The following SLC1A4 variants were observed in gnomAD, a reference collection of about 807,000 sequenced individuals.
SLC1A4 encodes neutral amino acid transporter A.
Under a neutral mutation model 37.7 loss-of-function variants are expected in SLC1A4, and 19 were observed. That is an observed-to-expected ratio of 0.50 (90% CI 0.35 to 0.74). The LOEUF is 0.74. SLC1A4 is among the 30% of genes least tolerant of loss of function. The pLI, the probability that SLC1A4 is intolerant of heterozygous loss-of-function variation, is 0.01. For synonymous variants in SLC1A4, 299 were observed against 309.8 expected (o/e 0.97, Z 0.37); for missense variants, 570 against 712.9 (o/e 0.80, Z 2.28).
chr2:64,992,278 G>GT (rs1341453523), intron 1 of SLC1A4, among the ~76,000 whole-genome samples: 2 of 152,168 alleles, frequency 1.3e-5, no homozygotes, highest in Non-Finnish European at 2.9e-5. Flanking sequence ...GTGGTAGGGG[G>GT]TACCTCATTA....
intron 4 of SLC1A4, chr2:65,011,466 C>A (rs1673915358): frequency 6.6e-6 from 1 of 151,156 alleles, no homozygotes; most frequent in South Asian, 2.1e-4. Context: ...CGGGGTTTCA[C>A]CATGTTGGCC....
At chr2:64,989,389 C>A (rs1171674556), upstream of SLC1A4, 1 of 356,540 alleles carries the variant, frequency 2.8e-6, no homozygotes, top group Non-Finnish European at 5.0e-6. Flanking sequence ...TCGCGGCTCC[C>A]GTTTGCATCA....
chr2:64,996,384 C>G (rs536577111), intron 1 of SLC1A4, among the ~76,000 whole-genome samples: 3 of 152,160 alleles, frequency 2.0e-5, no homozygotes, highest in African/African-American at 4.8e-5. Context: ...TCAAGTAGAT[C>G]TCTCAGGATC....
At chr2:65,001,563 G>C in intron 2 of SLC1A4, 73 bp downstream of exon 2, 1 of 1,410,970 alleles carries the variant, frequency 7.1e-7, no homozygotes, top group Non-Finnish European at 1.0e-6. Context: ...TATAGAGTTA[G>C]GTAAGGTAGA....
intron 3 of SLC1A4, among the ~76,000 whole-genome samples, chr2:65,008,179 A>G (rs866385795): frequency 6.6e-6 from 1 of 152,238 alleles, no homozygotes. Flanking sequence ...GTGAGTTGAC[A>G]GCCCCAAGGT....
chr2:64,988,876 G>A (rs1243595596), upstream of SLC1A4, among the ~76,000 whole-genome samples: 1 of 34 alleles, frequency 0.029, no homozygotes, highest in African/African-American at 0.1. Context: ...AGCGCGGGCC[G>A]CGCGGGGCGA....
chr2:64,990,129 T>C lies in SLC1A4; in HGVS notation c.486T>C (p.Pro162=). 6.2e-7 allele frequency: 1 copy of C among 1,611,254 alleles called. No individual in the cohort carries two copies. Among genetic ancestry groups the C allele is most frequent in the Non-Finnish European group, 8.5e-7 (1 of 1,178,836 alleles). ...DLGLEDSGPP[P]VPKETVDSFL... ...GGCTGGAGGACTCGGGGCCTCCTCC[T>C]GTCCCCAAAGAGACGGTGGACTCTT... Residue 162 remains proline, a synonymous_variant, in exon 1 of 8, where the codon CCT becomes CCC. Transcript: ENST00000234256.
intron 7 of SLC1A4, among the ~76,000 whole-genome samples, chr2:65,019,055 C>G (rs1674303840): frequency 6.6e-6 from 1 of 152,110 alleles, no homozygotes; most frequent in Admixed American, 6.5e-5. Context: ...TGTCCCTGGC[C>G]TGGAAGATTC....
rs1192766731 is a variant in SLC1A4, at chr2:65,021,558, T to C, written c.*412T>C. ...AGCAAACCAAGGGGGTTTATAGTCA[T>C]CTGTCGCATTGCCTCGAGTTGCAGT... On this transcript the variant is annotated 3_prime_UTR_variant, in exon 8 of 8. Transcript: ENST00000234256. 1 of 169,834 alleles carries C rather than the reference T, an allele frequency of 5.9e-6. No individual in the cohort carries two copies. Among genetic ancestry groups the C allele is most frequent in the Non-Finnish European group, 1.3e-5 (1 of 79,590 alleles). The allele number at this position is 169,834 out of a possible 1,614,324, so 10.5% of individuals were successfully genotyped here. A position where few individuals can be genotyped will look rare whatever the true frequency, so the allele number is the denominator to read the frequency against.
chr2:64,989,042 G>A (rs1370176937), upstream of SLC1A4, among the ~76,000 whole-genome samples: 1 of 152,122 alleles, frequency 6.6e-6, no homozygotes, highest in Non-Finnish European at 1.5e-5. Context: ...CCGCGGGAGA[G>A]GGCCCGGCAG....
Position 65,018,221 on chromosome 2 carries a change from A to C in SLC1A4, c.1185A>C (p.Gln395His). The change falls in exon 6 of 8, where the codon CAA becomes CAC. Residue 395 changes from glutamine (Q) to histidine (H), a missense_variant. Transcript: ENST00000234256. This position sits in a 1 kb window ranked among gnomAD's most constrained non-coding sequence, Gnocchi z 4.3. ...FQCVAAVFIAQLNNVELNAGQ... is the reference protein window; with the variant it reads ...FQCVAAVFIAHLNNVELNAGQ... ...GTGTGGCCGCGGTGTTCATTGCGCA[A>C]CTCAACAACGTAGAGCTCAACGCAG... 6.2e-7 allele frequency: 1 copy of C among 1,614,078 alleles called. No individual in the cohort carries two copies. Among genetic ancestry groups the C allele is most frequent in the Non-Finnish European group, 8.5e-7 (1 of 1,180,010 alleles).
intron 4 of SLC1A4, among the ~76,000 whole-genome samples, chr2:65,013,693 C>T (rs79266108): frequency 2.1e-3 from 320 of 152,270 alleles, no homozygotes; most frequent in African/African-American, 7.3e-3. Context: ...GTTTAAAATG[C>T]CTTAACTAGT....
chr2:65,020,864 C>T (rs371293689), intron 7 of SLC1A4, 48 bp from the exon 8 acceptor site: 75 of 1,517,234 alleles, frequency 4.9e-5, no homozygotes, highest in Middle Eastern at 3.4e-4. Context: ...TGACAGGACC[C>T]GATCGCCCAG....
chr2:65,010,494 C>T, intron 3 of SLC1A4, 103 bp from the exon 4 acceptor site: 3 of 926,158 alleles, frequency 3.2e-6, no homozygotes, highest in Admixed American at 2.9e-5. Flanking sequence ...AGCTTTTTCT[C>T]GTTCTGGGTA....
intron 3 of SLC1A4, among the ~76,000 whole-genome samples, chr2:65,006,741 C>T (rs1300066826): frequency 1.3e-5 from 2 of 152,152 alleles, no homozygotes; most frequent in Admixed American, 6.5e-5. Context: ...AAATTTGAGA[C>T]CAGCCTGGGC....
chr2:65,015,792 G>C (rs78625826), intron 4 of SLC1A4, among the ~76,000 whole-genome samples: 162 of 152,268 alleles, frequency 1.1e-3, no homozygotes, highest in Middle Eastern at 3.4e-3. Context: ...TCAGCAGTTA[G>C]AAAATTCTTC....
Position 65,013,107 on chromosome 2 carries a change from G to A in SLC1A4, c.800+2344G>A, listed in dbSNP as rs141289992. Among the ~76,000 whole-genome samples the A allele has an allele frequency of 3.3e-5, 5 of 152,304 alleles. No individual in the cohort carries two copies. The East Asian group carries it at 9.6e-4, about 29-fold the overall frequency. On this transcript the variant is annotated intron_variant, in intron 4 of 7. Transcript: ENST00000234256. ...GGCATGTCTTCACATGGCCAGAGCA[G>A]GAGGAAGAAAGACAGGGGGAAGGTG...
At position 64,990,073 on chromosome 2, in the gene SLC1A4, G is replaced by T; in HGVS notation, c.430G>T (p.Gly144Cys). The T allele has an allele frequency of 1.2e-6, 2 of 1,608,638 alleles. No individual in the cohort carries two copies. Among genetic ancestry groups the T allele is most frequent in the African/African-American group, 1.3e-5 (1 of 74,988 alleles). Residue 144 changes from glycine (G) to cysteine (C), a missense_variant, in exon 1 of 8, where the codon GGT becomes TGT. Physicochemically the swap from Gly to Cys is radical, Grantham distance 159. Transcript: ENST00000234256. ...ALAFIIKPGS[G>C]AQTLQSSDLG... Reference sequence around the variant, plus strand: ...GGCGTTCATCATCAAGCCAGGATCCGGTGCGCAGACCCTTCAGTCCAGCGA... The same window carrying T: ...GGCGTTCATCATCAAGCCAGGATCCTGTGCGCAGACCCTTCAGTCCAGCGA...
intron 2 of SLC1A4, among the ~76,000 whole-genome samples, chr2:65,001,984 A>C (rs2103647285): frequency 6.6e-6 from 1 of 152,310 alleles, no homozygotes; most frequent in East Asian, 1.9e-4. Context: ...ATACATTTTA[A>C]AAATAAGCAT....
Sources: gnomAD v4.1 joint callset for allele counts (sites outside exome capture counted in the v4.1 genomes callset) on GRCh38, gnomAD v4.1.1 for gene constraint, Gnocchi (gnomAD v3.1) non-coding constraint, MANE v1.5 for transcripts, NCBI Gene and HGNC (gene_info 2026-07-23, HGNC 2026-07-21) for gene names.